ATP8A1: variants seen among roughly 807,000 people sequenced by gnomAD.
The protein encoded by ATP8A1 is ATPase phospholipid transporting 8A1.
In ATP8A1, 90 loss-of-function variants were observed where a neutral mutation model predicts 177.7. That is an observed-to-expected ratio of 0.51 (90% CI 0.43 to 0.60). ATP8A1 has a LOEUF of 0.60. ATP8A1 is among the 20% of genes least tolerant of loss of function. ATP8A1 has a pLI of 0.00. For missense variants in ATP8A1, 1,072 were observed against 1,392.8 expected, an observed-to-expected ratio of 0.77 and a Z score of 3.67; for synonymous variants, 493 against 485.9, an observed-to-expected ratio of 1.01 and a Z score of -0.19.
At chr4:42,547,977 T>A (rs748754339) in intron 19 of ATP8A1, among the ~76,000 whole-genome samples, 17 of 152,130 alleles carry the variant, frequency 1.1e-4, no homozygotes, top group Non-Finnish European at 2.4e-4. Flanking sequence ...GGTCACGCAG[T>A]CTTTAAAGAC....
At chr4:42,591,129 T>A (rs900491700) in intron 6 of ATP8A1, among the ~76,000 whole-genome samples, 6 of 152,168 alleles carry the variant, frequency 3.9e-5, no homozygotes, top group Non-Finnish European at 5.9e-5. Flanking sequence ...AGTTTTAGTG[T>A]GAAAACTTAA....
intron 12 of ATP8A1, among the ~76,000 whole-genome samples, chr4:42,577,760 G>GAT (rs1239537419): frequency 6.6e-6 from 1 of 152,074 alleles, no homozygotes; most frequent in African/African-American, 2.4e-5. Context: ...AAAATAACAT[G>GAT]ATATAACATG....
chr4:42,551,182 A>G lies in ATP8A1; in HGVS notation c.1602+16T>C. 1 of 1,603,436 alleles carries G rather than the reference A, an allele frequency of 6.2e-7. No individual in the cohort carries two copies. Among genetic ancestry groups the G allele is most frequent in the Non-Finnish European group, 8.5e-7 (1 of 1,170,486 alleles). On this transcript the variant is annotated intron_variant, in intron 18 of 36. Coordinates refer to ENST00000381668, the MANE Select transcript of ATP8A1 (RefSeq NM_006095.2). Reference sequence around the variant, plus strand: ...ATTACTTGGATTAAAAAGAACCTTAAAAACAACTAACTTACTGAATCTATA... The same window carrying G: ...ATTACTTGGATTAAAAAGAACCTTAGAAACAACTAACTTACTGAATCTATA...
At chr4:42,613,645 G>A (rs560551257) in intron 5 of ATP8A1, among the ~76,000 whole-genome samples, 8 of 151,812 alleles carry the variant, frequency 5.3e-5, no homozygotes, top group East Asian at 1.9e-4. Flanking sequence ...GTGCAGTGGC[G>A]CGGTCTTGGC....
intron 4 of ATP8A1, among the ~76,000 whole-genome samples, 193 bp from the exon 5 acceptor site, chr4:42,616,271 A>C (rs1736907884): frequency 6.6e-6 from 1 of 152,218 alleles, no homozygotes; most frequent in Non-Finnish European, 1.5e-5. Flanking sequence ...AGGAATTTTA[A>C]AACTGAAAGA....
chr4:42,422,550 A>G (rs1372812011), intron 35 of ATP8A1, among the ~76,000 whole-genome samples: 1 of 152,202 alleles, frequency 6.6e-6, no homozygotes, highest in Non-Finnish European at 1.5e-5. Context: ...CAACTCTTAC[A>G]ACTAACCATG....
At chr4:42,437,579 C>T (rs1344956442) in intron 33 of ATP8A1, among the ~76,000 whole-genome samples, 1 of 152,190 alleles carries the variant, frequency 6.6e-6, no homozygotes, top group African/African-American at 2.4e-5. Context: ...TTCCAATTGT[C>T]TACCTTACCC....
At chr4:42,415,283 T>C (rs1713109075) in intron 35 of ATP8A1, 1 of 152,168 alleles carries the variant, frequency 6.6e-6, no homozygotes, top group Non-Finnish European at 1.5e-5. Flanking sequence ...TGACATGTGT[T>C]CCTTAATTTT....
intron 24 of ATP8A1, among the ~76,000 whole-genome samples, chr4:42,494,411 G>A (rs1723061856): frequency 6.6e-6 from 1 of 152,136 alleles, no homozygotes; most frequent in African/African-American, 2.4e-5. Context: ...GGAGGTGAAG[G>A]TTGCAGTGAG....
intron 20 of ATP8A1, among the ~76,000 whole-genome samples, chr4:42,537,824 T>C (rs1578126588): frequency 1.3e-5 from 2 of 152,192 alleles, no homozygotes; most frequent in South Asian, 4.1e-4. Context: ...GTTGTAAAAA[T>C]GACATCCTGC....
intron 6 of ATP8A1, among the ~76,000 whole-genome samples, chr4:42,593,555 C>T (rs896121601): frequency 6.6e-6 from 1 of 151,972 alleles, no homozygotes; most frequent in African/African-American, 2.4e-5. Flanking sequence ...AAAAAGGACA[C>T]TGTCCATATT....
At chr4:42,549,617 C>T (rs1729290244) in intron 18 of ATP8A1, among the ~76,000 whole-genome samples, 1 of 151,920 alleles carries the variant, frequency 6.6e-6, no homozygotes, top group African/African-American at 2.4e-5. Flanking sequence ...AGCAAGACCC[C>T]ATCTCTATTA....
At chr4:42,487,322 T>A (rs1395001037) in intron 24 of ATP8A1, among the ~76,000 whole-genome samples, 1 of 152,128 alleles carries the variant, frequency 6.6e-6, no homozygotes, top group Non-Finnish European at 1.5e-5. Flanking sequence ...AGGGATAAAG[T>A]TTCAATACAT....
chr4:42,575,914 A>G (rs1732396936), intron 12 of ATP8A1, among the ~76,000 whole-genome samples: 1 of 152,216 alleles, frequency 6.6e-6, no homozygotes, highest in Non-Finnish European at 1.5e-5. Context: ...AGGGCAGAAC[A>G]GTATGGTAGT....
At chr4:42,516,014 G>A (rs1229144883) in intron 22 of ATP8A1, among the ~76,000 whole-genome samples, 1 of 152,162 alleles carries the variant, frequency 6.6e-6, no homozygotes, top group Non-Finnish European at 1.5e-5. Flanking sequence ...GCATGAACTA[G>A]ATTTGTTAAT....
intron 15 of ATP8A1, among the ~76,000 whole-genome samples, chr4:42,567,697 A>T (rs1351727005): frequency 6.6e-6 from 1 of 152,228 alleles, no homozygotes; most frequent in Non-Finnish European, 1.5e-5. Context: ...CTAGTTTAGA[A>T]TATCAAGTTT....
chr4:42,525,310 G>A (rs912600264), intron 20 of ATP8A1, among the ~76,000 whole-genome samples: 2 of 152,140 alleles, frequency 1.3e-5, no homozygotes, highest in African/African-American at 2.4e-5. Flanking sequence ...AGTGGATCTC[G>A]AAGGGGCTAC....
intron 22 of ATP8A1, among the ~76,000 whole-genome samples, chr4:42,508,181 G>A (rs577969802): frequency 1.3e-5 from 2 of 152,260 alleles, no homozygotes; most frequent in African/African-American, 4.8e-5. Flanking sequence ...TGCTCAGGCT[G>A]AAGTACAGTG....
chr4:42,507,078 A>G lies in ATP8A1; in HGVS notation c.2024T>C (p.Met675Thr), dbSNP rs563285062. The part of the protein sequence containing the change: ...DQVPETIETL[M>T]KADIKIWILT... ...GATCCAGATTTTGATGTCTGCTTTC[A>G]TTAGCGTTTCTATGGTTTCAGGCAC... The change falls in exon 23 of 37, where the codon ATG becomes ACG. Residue 675 changes from methionine (M) to threonine (T), a missense_variant. This residue lies in a region of ATP8A1 where 388 missense variants were observed against 471.7 expected (regional missense o/e 0.82). Transcript: ENST00000381668. 1 of 1,614,082 alleles carries G rather than the reference A, an allele frequency of 6.2e-7. No homozygotes were observed. Among genetic ancestry groups the G allele is most frequent in the Admixed American group, 1.7e-5 (1 of 60,024 alleles).
Sources: gnomAD v4.1 joint callset for allele counts (sites outside exome capture counted in the v4.1 genomes callset) on GRCh38, gnomAD v4.1.1 for gene constraint, gnomAD v4.1.1 regional missense constraint, MANE v1.5 for transcripts, NCBI Gene and HGNC (gene_info 2026-07-23, HGNC 2026-07-21) for gene names.